Variants in CWC25 observed in about 807,000 individuals in gnomAD.
CWC25 encodes pre-mRNA-splicing factor CWC25 homolog.
A neutral mutation model predicts 54.6 loss-of-function variants in CWC25; 31 were observed. The ratio of observed to expected loss-of-function variants is 0.57; its 90% CI spans 0.43 to 0.77. CWC25 has a LOEUF of 0.77. Ranked by LOEUF, CWC25 falls within the 30% of genes least tolerant of loss-of-function variation. CWC25 has a pLI of 0.00. For synonymous variants in CWC25, 151 were observed against 187.0 expected (o/e 0.81, Z 1.57); for missense variants, 453 against 529.3 (o/e 0.86, Z 1.41).
At chr17:38,804,848 T>C (rs1911169128) in intron 8 of CWC25, among the ~76,000 whole-genome samples, 1 of 147,970 alleles carries the variant, frequency 6.8e-6, no homozygotes, top group Admixed American at 6.8e-5. Context: ...GGCTCACGCC[T>C]GTAATCCCAG....
intron 3 of CWC25, among the ~76,000 whole-genome samples, chr17:38,814,655 A>G (rs1911623083): frequency 6.9e-6 from 1 of 144,148 alleles, no homozygotes; most frequent in Admixed American, 7.1e-5. Flanking sequence ...CTGAGGCAGG[A>G]GGATGGCGTG....
intron 2 of CWC25, among the ~76,000 whole-genome samples, chr17:38,817,439 T>C (rs1322685548): frequency 6.6e-6 from 1 of 150,972 alleles, no homozygotes; most frequent in Non-Finnish European, 1.5e-5. Flanking sequence ...TCACTTGAGG[T>C]CAGGAATTCA....
In CWC25 at chr17:38,802,044, C is replaced by T; in HGVS notation, c.*48G>A. On this transcript the variant is annotated 3_prime_UTR_variant, in exon 10 of 10. Transcript: ENST00000614790. ...CTTATAAAGAGAATTAAGGGGTCAG[C>T]AGCTTCCCTGGAAAATGCAGGAAAA... The T allele has an allele frequency of 8.1e-7, 1 of 1,227,334 alleles. No homozygotes were observed. Among genetic ancestry groups the T allele is most frequent in the Non-Finnish European group, 1.2e-6 (1 of 838,602 alleles). The allele number at this position is 1,227,334 out of a possible 1,614,324, so 76.0% of individuals were successfully genotyped here.
chr17:38,807,837 T>A (rs1205635513), intron 6 of CWC25, among the ~76,000 whole-genome samples: 1 of 134,710 alleles, frequency 7.4e-6, no homozygotes, highest in Non-Finnish European at 1.6e-5. Context: ...GGCAGGCAGA[T>A]CACGAGGCCA....
At chr17:38,820,145 G>A (rs1037501604) in intron 2 of CWC25, among the ~76,000 whole-genome samples, 1 of 152,100 alleles carries the variant, frequency 6.6e-6, no homozygotes, top group South Asian at 2.1e-4. Flanking sequence ...ACATTACCCA[G>A]ACTGGTCTCA....
intron 1 of CWC25, 43 bp from the exon 2 acceptor site, chr17:38,821,116 C>T: frequency 6.3e-7 from 1 of 1,586,306 alleles, no homozygotes; most frequent in Non-Finnish European, 8.6e-7. Context: ...CGGGGGGTGA[C>T]TGAGTGGTGG....
chr17:38,824,097 C>A (rs1392810046), intron 1 of CWC25, among the ~76,000 whole-genome samples: 3 of 152,226 alleles, frequency 2.0e-5, no homozygotes, highest in African/African-American at 7.2e-5. Flanking sequence ...GAACACATGA[C>A]AAACTAATAG....
Position 38,801,033 on chromosome 17 carries a change from C to T in CWC25, c.*1059G>A, listed in dbSNP as rs1463261201. 1 of 152,114 alleles carries T rather than the reference C, an allele frequency of 6.6e-6. No homozygotes were observed. Among genetic ancestry groups the T allele is most frequent in the Non-Finnish European group, 1.5e-5 (1 of 68,028 alleles). 9.4% of individuals were successfully genotyped at this position (152,114 alleles called of 1,614,324 possible). ...ATCTCCTGACCTCGTGATCCGCCCA[C>T]CTCAGCCTCCCAAAGTGCTGAGATT... On this transcript the variant is annotated 3_prime_UTR_variant, in exon 10 of 10. Transcript: ENST00000614790.
chr17:38,802,467 T>C lies in CWC25; in HGVS notation c.1163+233A>G, dbSNP rs7210379. ...AGGCTTCCTGGGCCATGAATTCTTA[T>C]TAAAAAGGAAGGTCAAGGAATTTCA... On this transcript the variant is annotated intron_variant, in intron 9 of 9. Transcript: ENST00000614790. 0.041 allele frequency among the ~76,000 whole-genome samples: 6,208 copies of C among 152,278 alleles called. 226 individuals carry two copies. The highest frequency in any genetic ancestry group is 0.1 in the African/African-American group (4,346 of 41,536).
chr17:38,817,222 C>T (rs1344088841), intron 2 of CWC25, among the ~76,000 whole-genome samples: 3 of 150,504 alleles, frequency 2.0e-5, no homozygotes, highest in Non-Finnish European at 4.4e-5. Flanking sequence ...CGCCTGTAGT[C>T]CCAGCTACTC....
chr17:38,817,833 G>A (rs1420800730), intron 2 of CWC25, among the ~76,000 whole-genome samples: 1 of 149,534 alleles, frequency 6.7e-6, no homozygotes, highest in Admixed American at 6.7e-5. Flanking sequence ...AGGCGTGGTG[G>A]CACACGCCTG....
intron 4 of CWC25, among the ~76,000 whole-genome samples, chr17:38,811,033 C>A (rs1283875758): frequency 4.6e-5 from 7 of 150,652 alleles, no homozygotes; most frequent in African/African-American, 1.7e-4. Context: ...GAGTTCGAGA[C>A]CACCCTGGCC....
At chr17:38,815,184 G>T in intron 2 of CWC25, 87 bp from the exon 3 acceptor site, 1 of 1,154,030 alleles carries the variant, frequency 8.7e-7, no homozygotes, top group Non-Finnish European at 1.3e-6. Flanking sequence ...ACAAGGGAGA[G>T]AGAACCACAG....
chr17:38,805,540 C>T (rs982431840), intron 8 of CWC25, among the ~76,000 whole-genome samples: 6 of 152,102 alleles, frequency 3.9e-5, no homozygotes, highest in African/African-American at 1.2e-4. Flanking sequence ...TCTGGAACTC[C>T]TGGCCTCAAG....
rs1180795868 is a variant in CWC25 at position 38,812,797 on chromosome 17, A to G, written c.496T>C (p.Leu166=). 1 of 1,501,006 alleles carries G rather than the reference A, an allele frequency of 6.7e-7. No individual in the cohort carries two copies. Among genetic ancestry groups the G allele is most frequent in the Non-Finnish European group, 9.1e-7 (1 of 1,100,926 alleles). 93.0% of individuals were successfully genotyped at this position (1,501,006 alleles called of 1,614,324 possible). A position where few individuals can be genotyped will look rare whatever the true frequency, so the allele number is the denominator to read the frequency against. ...TGCTTATCTGGTATACTACTTACCA[A>G]TTCTTTGATTTTCTTCATTTTCACT... The part of the protein sequence containing the change: ...NPVKMKKIKE[L]LQMSLEKKEK... The change falls in exon 4 of 10, where the codon TTG becomes CTG. Residue 166 remains leucine (L), a splice_region_variant and synonymous_variant. Transcript: ENST00000614790.
Position 38,815,025 on chromosome 17 carries a change from C to T in CWC25, c.264G>A (p.Leu88=). 1 of 1,613,954 alleles carries T rather than the reference C, an allele frequency of 6.2e-7. No individual in the cohort carries two copies. The highest frequency in any genetic ancestry group is 1.3e-5 in the African/African-American group (1 of 75,032). The change falls in exon 3 of 10, where the codon CTG becomes CTA. Residue 88 remains leucine (L), a synonymous_variant. Coordinates refer to ENST00000614790, the MANE Select transcript of CWC25 (RefSeq NM_017748.5). Reference sequence around the variant, plus strand: ...AAACATATTTGTCAATGGGGCGCCCCAGCAGGTACTCGTCACGGTTCACCA... The same window carrying T: ...AAACATATTTGTCAATGGGGCGCCCTAGCAGGTACTCGTCACGGTTCACCA... The part of the protein sequence containing the change: ...GGMVNRDEYL[L]GRPIDKYVFE...
At chr17:38,815,216 G>A in intron 2 of CWC25, 119 bp from the exon 3 acceptor site, 1 of 859,298 alleles carries the variant, frequency 1.2e-6, no homozygotes, top group Non-Finnish European at 1.8e-6. Context: ...TCATTCTACT[G>A]GCACCTACCA....
chr17:38,814,112 C>T (rs1190513434), intron 3 of CWC25, among the ~76,000 whole-genome samples: 1 of 151,950 alleles, frequency 6.6e-6, no homozygotes, highest in Admixed American at 6.6e-5. Context: ...CCGCCCGCCT[C>T]GGCCTCCTGA....
chr17:38,820,627 A>G (rs1911883990), intron 2 of CWC25, among the ~76,000 whole-genome samples: 2 of 152,214 alleles, frequency 1.3e-5, no homozygotes, highest in Admixed American at 1.3e-4. Context: ...CTCGGCTTAC[A>G]GCAAGTCCTT....
Sources: allele counts gnomAD v4.1 joint callset (sites outside exome capture counted in the v4.1 genomes callset), GRCh38; gene constraint gnomAD v4.1.1; transcripts MANE v1.5; gene names NCBI Gene and HGNC (gene_info 2026-07-23, HGNC 2026-07-21).